POLA1: variants seen among roughly 807,000 people sequenced by gnomAD.
POLA1 encodes DNA polymerase alpha 1, catalytic subunit, also known as DNA polymerase alpha catalytic subunit.
POLA1 carries 15 observed loss-of-function variants against 124.0 expected under a neutral mutation model. The observed-to-expected ratio is 0.12, with a 90% CI of 0.08 to 0.19. The LOEUF is 0.19. Among genes scored for constraint, POLA1 ranks in the 10% least tolerant of loss-of-function variants. POLA1 has a pLI of 1.00. For missense variants in POLA1, 886 were observed against 1,103.4 expected (o/e 0.80, Z 2.79); for synonymous variants, 408 against 389.4 (o/e 1.05, Z -0.56).
chrX:24,857,907 A>G (rs1384726903), intron 34 of POLA1, among the ~76,000 whole-genome samples: 1 of 110,677 alleles, frequency 9.0e-6, no homozygotes, highest in Admixed American at 9.7e-5. Context: ...GGGTTTGAAA[A>G]CCCTTTAAAA....
intron 26 of POLA1, among the ~76,000 whole-genome samples, chrX:24,802,646 A>G (rs1870738061): frequency 8.9e-6 from 1 of 112,124 alleles, no homozygotes; most frequent in Non-Finnish European, 1.9e-5. Context: ...AAAAGGTGCC[A>G]CATTGGAAAG....
intron 32 of POLA1, among the ~76,000 whole-genome samples, chrX:24,829,722 A>G (rs943047126): frequency 6.2e-5 from 7 of 112,136 alleles, no homozygotes; most frequent in Admixed American, 2.8e-4. Context: ...TATCAGTTCT[A>G]CTGTAGCCTG....
At chrX:24,868,463 G>A (rs1255016714) in intron 34 of POLA1, among the ~76,000 whole-genome samples, 1 of 111,935 alleles carries the variant, frequency 8.9e-6, no homozygotes, top group Non-Finnish European at 1.9e-5. Context: ...TAAGAAATGT[G>A]AAGCATAACA....
At chrX:24,852,719 A>G (rs2046582269) in intron 34 of POLA1, among the ~76,000 whole-genome samples, 1 of 111,907 alleles carries the variant, frequency 8.9e-6, no homozygotes, top group Non-Finnish European at 1.9e-5. Context: ...ACTGTGCTAT[A>G]GTGTAACTCT....
chrX:24,795,911 T>G, intron 26 of POLA1, among the ~76,000 whole-genome samples: 1 of 111,549 alleles, frequency 9.0e-6, no homozygotes, highest in Middle Eastern at 4.7e-3. Context: ...CTGTGAGACA[T>G]TTGATGTTAT....
At position 24,693,918 on chromosome X, in the gene POLA1, G is replaced by C. The variant is rs758221479; in HGVS notation, c.-44G>C. The C allele has an allele frequency of 8.6e-7, 1 of 1,162,203 alleles. No homozygotes were observed. Among genetic ancestry groups the C allele is most frequent in the East Asian group, 3.2e-5 (1 of 31,330 alleles). ...GGCTGGCGCCTGTCTCGGCCCCCGC[G>C]CCAGTTTTGGGCTGGTTGGCGCGGA... On this transcript the variant is annotated 5_prime_UTR_variant, in exon 1 of 37. Coordinates refer to ENST00000379068, the MANE Select transcript of POLA1 (RefSeq NM_001330360.2).
intron 26 of POLA1, among the ~76,000 whole-genome samples, chrX:24,755,623 G>C (rs1003664878): frequency 4.5e-5 from 5 of 111,411 alleles, no homozygotes; most frequent in African/African-American, 1.6e-4. Context: ...TCAGTCTGTG[G>C]CTTGTCCTTT....
At chrX:24,811,578 C>T (rs1417910364) in intron 28 of POLA1, among the ~76,000 whole-genome samples, 3 of 110,979 alleles carry the variant, frequency 2.7e-5, no homozygotes, top group African/African-American at 6.6e-5. Context: ...TGAGCCACCG[C>T]GCCTGGCCCC....
Position 24,743,255 on chromosome X carries a change from G to A in POLA1, c.2492G>A (p.Gly831Glu). The change falls in exon 23 of 37, where the codon GGA becomes GAA. Residue 831 changes from glycine (G) to glutamate (E), a missense_variant. Gly to Glu is a moderately conservative substitution (Grantham distance 98). Transcript: ENST00000379068. ...KLGDEDEEID[G>E]DTNKYKKGRK... ...GGAGATGAAGATGAAGAAATTGATGGAGATACCAATAAATACAAGAAAGGA... is the reference window on the plus strand; with the variant it reads ...GGAGATGAAGATGAAGAAATTGATGAAGATACCAATAAATACAAGAAAGGA... The A allele has an allele frequency of 8.8e-7, 1 of 1,141,341 alleles. No homozygotes were observed. The highest frequency in any genetic ancestry group is 1.8e-5 in the African/African-American group (1 of 56,051). 94.1% of individuals were successfully genotyped at this position (1,141,341 alleles called of 1,213,427 possible).
At chrX:24,879,595 C>T (rs1205355712) in intron 34 of POLA1, among the ~76,000 whole-genome samples, 1 of 111,619 alleles carries the variant, frequency 9.0e-6, no homozygotes, top group Non-Finnish European at 1.9e-5. Flanking sequence ...GTTTTGTTGA[C>T]AGTTGACAGA....
intron 26 of POLA1, among the ~76,000 whole-genome samples, chrX:24,790,037 T>A (rs2045461156): frequency 8.9e-6 from 1 of 112,367 alleles, no homozygotes; most frequent in Non-Finnish European, 1.9e-5. Flanking sequence ...AAGGGTTAAT[T>A]TAAACTTTCT....
intron 35 of POLA1, among the ~76,000 whole-genome samples, chrX:24,909,963 G>A (rs1463747270): frequency 3.6e-5 from 4 of 110,840 alleles, no homozygotes; most frequent in Non-Finnish European, 5.7e-5. Flanking sequence ...TCCCTTGTAA[G>A]GTGGATTCCT....
At chrX:24,782,036 A>G (rs1224155825) in intron 26 of POLA1, among the ~76,000 whole-genome samples, 1 of 111,863 alleles carries the variant, frequency 8.9e-6, no homozygotes, top group East Asian at 2.8e-4. Flanking sequence ...TGAGGAGCTT[A>G]TATTCTTAGA....
rs61464840 is a variant in POLA1, at chrX:24,971,931, GATTTTATTTT to G, written c.4262-23827_4262-23818del. Among the ~76,000 whole-genome samples the G allele has an allele frequency of 4.8e-3, 416 of 86,898 alleles. 1 individual carries two copies. Among genetic ancestry groups the G allele is most frequent in the South Asian group, 0.022 (35 of 1,622 alleles). 75.5% of individuals were successfully genotyped at this position (86,898 alleles called of 115,157 possible). A position where few individuals can be genotyped will look rare whatever the true frequency, so the allele number is the denominator to read the frequency against. On this transcript the variant is annotated intron_variant, in intron 36 of 36. Transcript: ENST00000379068. ...TCATGAAAAGGGAATGGATGTGGAAGATTTTATTTTATTTTATTTTATTTTATTTTATTTT... is the reference window on the plus strand; with the variant it reads ...TCATGAAAAGGGAATGGATGTGGAAGATTTTATTTTATTTTATTTTATTTT...
chrX:24,905,648 C>T (rs1175808109), intron 35 of POLA1, among the ~76,000 whole-genome samples: 2 of 103,774 alleles, frequency 1.9e-5, no homozygotes, highest in Non-Finnish European at 3.9e-5. Context: ...CTGCAACCTC[C>T]GGTCCCCGGG....
intron 34 of POLA1, among the ~76,000 whole-genome samples, chrX:24,884,456 A>AT (rs1476942869): frequency 8.9e-6 from 1 of 111,946 alleles, no homozygotes; most frequent in Non-Finnish European, 1.9e-5. Context: ...GCCTATATTT[A>AT]TTTTTTAACA....
intron 18 of POLA1, 32 bp from the exon 19 acceptor site, chrX:24,737,593 A>C (rs767045024): frequency 4.2e-6 from 3 of 706,859 alleles, no homozygotes; most frequent in Non-Finnish European, 6.7e-6. Context: ...CATTTGTTAT[A>C]ACATTATCAG....
intron 36 of POLA1, among the ~76,000 whole-genome samples, chrX:24,960,756 G>A (rs1342025857): frequency 1.8e-5 from 2 of 111,405 alleles, no homozygotes; most frequent in African/African-American, 6.5e-5. Context: ...ATAAGTATGT[G>A]TCTAGGATGG....
chrX:24,841,412 G>A (rs1464409275), intron 32 of POLA1, among the ~76,000 whole-genome samples: 2 of 111,848 alleles, frequency 1.8e-5, no homozygotes, highest in African/African-American at 3.2e-5. Context: ...ACATCCTATC[G>A]AAGTAGGTGC....
Sources: allele counts gnomAD v4.1 joint callset (sites outside exome capture counted in the v4.1 genomes callset), GRCh38; gene constraint gnomAD v4.1.1; transcripts MANE v1.5; gene names NCBI Gene and HGNC (gene_info 2026-07-23, HGNC 2026-07-21).